The following LMO2 variants were observed in gnomAD, a reference collection of about 807,000 sequenced individuals.
LMO2 encodes LIM domain only 2.
Under a neutral mutation model 23.2 loss-of-function variants are expected in LMO2, and 20 were observed. That is an observed-to-expected ratio of 0.86 (90% CI 0.61 to 1.25). The LOEUF is 1.25. Among genes scored for constraint, LMO2 ranks in the 50% most tolerant of loss-of-function variants. LMO2 has a pLI of 0.00. For synonymous variants in LMO2, 123 were observed against 130.2 expected, an observed-to-expected ratio of 0.94 and a Z score of 0.38; for missense variants, 270 against 315.3, an observed-to-expected ratio of 0.86 and a Z score of 1.09.
intron 4 of LMO2, among the ~76,000 whole-genome samples, chr11:33,866,466 T>C (rs7129271): frequency 0.079 from 12,025 of 152,036 alleles, 763 homozygotes; most frequent in African/African-American, 0.17. Flanking sequence ...AAAATCCTGT[T>C]TCTACAAAAC....
chr11:33,881,489 G>A (rs200578581), intron 2 of LMO2: 279 of 432,636 alleles, frequency 6.4e-4, no homozygotes, highest in Non-Finnish European at 1.1e-3. Context: ...TGGGAGACGG[G>A]GCTGGCACGG....
At chr11:33,862,090 T>C (rs1856603235) in intron 5 of LMO2, among the ~76,000 whole-genome samples, 1 of 152,194 alleles carries the variant, frequency 6.6e-6, no homozygotes, top group Non-Finnish European at 1.5e-5. Flanking sequence ...CAAGGATTGA[T>C]GTGCCAGTGA....
chr11:33,891,384 CACACAT>C (rs774768927), intron 1 of LMO2, among the ~76,000 whole-genome samples: 3,492 of 55,398 alleles, frequency 0.063, 74 homozygotes, highest in South Asian at 0.11. Context: ...CACACACACA[CACACAT>C]GCACACACAC....
chr11:33,878,029 G>A (rs564648837), intron 2 of LMO2, among the ~76,000 whole-genome samples: 5 of 152,186 alleles, frequency 3.3e-5, no homozygotes, highest in Admixed American at 1.3e-4. Flanking sequence ...GTTCCCTATC[G>A]TCCATGACCA....
intron 2 of LMO2, chr11:33,870,518 T>C: frequency 1.0e-6 from 1 of 984,642 alleles, no homozygotes; most frequent in Admixed American, 6.2e-5. Context: ...GCGGCCGCGC[T>C]CTGCAGAGGC....
rs1446429560 is a variant in LMO2, at chr11:33,864,349, A to G, written c.464+253T>C. On this transcript the variant is annotated intron_variant, in intron 5 of 5. Coordinates refer to ENST00000257818, the MANE Select transcript of LMO2 (RefSeq NM_005574.4). The surrounding 1 kb of genome is among the most constrained non-coding windows in gnomAD (Gnocchi z 4.8). The stretch of plus-strand genomic sequence containing the variant: ...GCACTTTTCTGAATTTTGGGTATAC[A>G]ATTCTCTTGCCTTTAAAGATATTAG... Among the ~76,000 whole-genome samples, 1 of 152,114 alleles carries G rather than the reference A, an allele frequency of 6.6e-6. No individual in the cohort carries two copies. Among genetic ancestry groups the G allele is most frequent in the African/African-American group, 2.4e-5 (1 of 41,408 alleles).
chr11:33,876,208 T>A (rs1025307084), intron 2 of LMO2, among the ~76,000 whole-genome samples: 3 of 152,216 alleles, frequency 2.0e-5, no homozygotes, highest in Non-Finnish European at 4.4e-5. Flanking sequence ...ATCCCCGTTA[T>A]CCTTCTTTGT....
At chr11:33,866,702 A>G (rs1177406404) in intron 4 of LMO2, among the ~76,000 whole-genome samples, 2 of 152,146 alleles carry the variant, frequency 1.3e-5, no homozygotes, top group African/African-American at 2.4e-5. Flanking sequence ...CTGGAGTGCA[A>G]TGGCACAATC....
At chr11:33,875,547 A>C (rs1857117501) in intron 2 of LMO2, among the ~76,000 whole-genome samples, 2 of 146,578 alleles carry the variant, frequency 1.4e-5, no homozygotes, top group South Asian at 4.3e-4. Context: ...CGTTGCACTC[A>C]AGCCTGGGCG....
In LMO2 at chr11:33,864,609, A is replaced by AT; in HGVS notation, c.456_457insA (p.Tyr153IlefsTer15). On this transcript the variant is annotated frameshift_variant, in exon 5 of 6. Coordinates refer to ENST00000257818, the MANE Select transcript of LMO2 (RefSeq NM_005574.4). LOFTEE classifies it high-confidence loss of function. This position sits in a 1 kb window ranked among gnomAD's most constrained non-coding sequence, Gnocchi z 4.8. The stretch of plus-strand genomic sequence containing the variant: ...GAGTGCCGGGGAGGGTACCTGAGAT[A>AT]GTCTCTCCGGCAGAGCTTCCGGCCC... 6.2e-7 allele frequency: 1 copy of AT among 1,612,804 alleles called. No individual in the cohort carries two copies. The highest frequency in any genetic ancestry group is 8.5e-7 in the Non-Finnish European group (1 of 1,179,500).
intron 1 of LMO2, among the ~76,000 whole-genome samples, chr11:33,890,444 C>T (rs1857517939): frequency 1.3e-5 from 2 of 152,222 alleles, no homozygotes; most frequent in East Asian, 1.9e-4. Context: ...CTCCGCCTCC[C>T]GGGTTCAAGC....
At chr11:33,885,341 C>G (rs1056032423) in intron 1 of LMO2, among the ~76,000 whole-genome samples, 1 of 152,196 alleles carries the variant, frequency 6.6e-6, no homozygotes, top group African/African-American at 2.4e-5. Context: ...GATGTATGAT[C>G]TGGACTCATG....
chr11:33,879,291 A>G (rs1857206980), intron 2 of LMO2, among the ~76,000 whole-genome samples: 3 of 152,100 alleles, frequency 2.0e-5, no homozygotes, highest in African/African-American at 7.2e-5. Flanking sequence ...GGAATAATAT[A>G]TTTACAAATC....
intron 1 of LMO2, among the ~76,000 whole-genome samples, chr11:33,882,186 G>A (rs1418255534): frequency 6.6e-6 from 1 of 152,034 alleles, no homozygotes; most frequent in Non-Finnish European, 1.5e-5. Context: ...TCACTTACCA[G>A]CCCAGCTTGT....
chr11:33,876,156 T>G lies in LMO2; in HGVS notation c.-272+5668A>C, dbSNP rs1857133737. 2.0e-5 allele frequency among the ~76,000 whole-genome samples: 3 copies of G among 152,192 alleles called. No individual in the cohort carries two copies. The South Asian group carries it at 6.2e-4, about 32-fold the overall frequency. ...TTCAGGTCTCTGTTCAAATATTTCA[T>G]CCTCAGAGGGCTTTATAAAATCCTT... is the stretch of plus-strand genomic sequence containing the variant. On this transcript the variant is annotated intron_variant, in intron 2 of 5. Transcript: ENST00000257818.
At chr11:33,872,248 G>A (rs1351245963) in intron 2 of LMO2, among the ~76,000 whole-genome samples, 2 of 152,120 alleles carry the variant, frequency 1.3e-5, no homozygotes, top group South Asian at 2.1e-4. Flanking sequence ...CAGAGATCGC[G>A]CCATTGCACT....
chr11:33,890,852 C>T (rs1392796846), intron 1 of LMO2, among the ~76,000 whole-genome samples: 1 of 152,126 alleles, frequency 6.6e-6, no homozygotes, highest in African/African-American at 2.4e-5. Flanking sequence ...ACTGAGGCTG[C>T]CATCTTTCTA....
rs1410822223 is a variant in LMO2 at position 33,880,213 on chromosome 11, A to G, written c.-272+1611T>C. Among the ~76,000 whole-genome samples, 3 of 149,060 alleles carry G rather than the reference A, an allele frequency of 2.0e-5. No individual in the cohort carries two copies. The highest frequency in any genetic ancestry group is 7.3e-5 in the African/African-American group (3 of 40,856). On this transcript the variant is annotated intron_variant, in intron 2 of 5. Coordinates refer to ENST00000257818, the MANE Select transcript of LMO2 (RefSeq NM_005574.4). The surrounding 1 kb of genome is among the most constrained non-coding windows in gnomAD (Gnocchi z 4.3). ...TATCATATATACACATGATATATATATCATATATACACATGATATATATAT... is the reference window on the plus strand; with the variant it reads ...TATCATATATACACATGATATATATGTCATATATACACATGATATATATAT...
intron 5 of LMO2, among the ~76,000 whole-genome samples, chr11:33,862,512 A>C (rs1326608622): frequency 6.6e-6 from 1 of 152,214 alleles, no homozygotes; most frequent in African/African-American, 2.4e-5. Context: ...GAGGTTCTGC[A>C]TGGGGGTCTC....
Sources: gnomAD v4.1 joint callset for allele counts (sites outside exome capture counted in the v4.1 genomes callset) on GRCh38, gnomAD v4.1.1 for gene constraint, Gnocchi (gnomAD v3.1) non-coding constraint, MANE v1.5 for transcripts, NCBI Gene and HGNC (gene_info 2026-07-23, HGNC 2026-07-21) for gene names.